CDC42SE2: variants seen among roughly 807,000 people sequenced by gnomAD.
The protein encoded by CDC42SE2 is CDC42 small effector protein 2.
In CDC42SE2, 3 loss-of-function variants were observed where a neutral mutation model predicts 11.5. That is an observed-to-expected ratio of 0.26 (90% CI 0.12 to 0.67). The LOEUF is 0.67. Ranked by LOEUF, CDC42SE2 falls within the 30% of genes least tolerant of loss-of-function variation. The pLI is 0.80. For missense variants in CDC42SE2, 82 were observed against 106.8 expected, an observed-to-expected ratio of 0.77 and a Z score of 1.02; for synonymous variants, 33 against 34.8, an observed-to-expected ratio of 0.95 and a Z score of 0.18.
chr5:131,387,341 G>A (rs1027723114), intron 4 of CDC42SE2, among the ~76,000 whole-genome samples: 1 of 152,110 alleles, frequency 6.6e-6, no homozygotes, highest in Admixed American at 6.5e-5. Context: ...CTGAGCTCAG[G>A]ATTTCAAGAC....
At chr5:131,363,867 T>C (rs577464215) in intron 3 of CDC42SE2, among the ~76,000 whole-genome samples, 1 of 151,788 alleles carries the variant, frequency 6.6e-6, no homozygotes, top group Admixed American at 6.6e-5. Flanking sequence ...GGTTAATTTT[T>C]ATATTTTAGT....
intron 1 of CDC42SE2, among the ~76,000 whole-genome samples, chr5:131,307,747 A>G (rs1757809939): frequency 6.6e-6 from 1 of 152,104 alleles, no homozygotes; most frequent in Admixed American, 6.5e-5. Context: ...TGACTTTTTA[A>G]TGATTACCAT....
chr5:131,261,780 A>G (rs1580717330), upstream of CDC42SE2, among the ~76,000 whole-genome samples: 1 of 151,694 alleles, frequency 6.6e-6, no homozygotes, highest in South Asian at 2.1e-4. Flanking sequence ...AGCCCGGAAG[A>G]CAGAGGTTGC....
intron 2 of CDC42SE2, among the ~76,000 whole-genome samples, chr5:131,350,499 G>A (rs891798996): frequency 2.1e-4 from 32 of 151,880 alleles, no homozygotes; most frequent in Non-Finnish European, 2.5e-4. Flanking sequence ...TCTTAAGTAA[G>A]ATAAAACCAC....
At chr5:131,350,446 A>G (rs1758978209) in intron 2 of CDC42SE2, among the ~76,000 whole-genome samples, 1 of 152,120 alleles carries the variant, frequency 6.6e-6, no homozygotes, top group Non-Finnish European at 1.5e-5. Flanking sequence ...TAACAGAACT[A>G]TAATGGGATG....
At chr5:131,287,297 G>T (rs1048070791) in intron 1 of CDC42SE2, among the ~76,000 whole-genome samples, 8 of 151,910 alleles carry the variant, frequency 5.3e-5, no homozygotes, top group Admixed American at 2.6e-4. Context: ...GCCCGGCCTT[G>T]GGTCAGCTGT....
At position 131,289,428 on chromosome 5, in the gene CDC42SE2, T is replaced by G. The variant is rs190128527; in HGVS notation, c.-455+25262T>G. On this transcript the variant is annotated intron_variant, in intron 1 of 4. Transcript: ENST00000505065. ...TGGCTCACGCCTGTAATCCCAGCAC[T>G]TTGGGAGGCCGAGGCGGGTGAATCA... is the stretch of plus-strand genomic sequence containing the variant. Among the ~76,000 whole-genome samples the G allele has an allele frequency of 3.2e-3, 483 of 152,298 alleles. 4 individuals carry two copies. Among genetic ancestry groups the G allele is most frequent in the African/African-American group, 0.011 (471 of 41,560 alleles).
intron 4 of CDC42SE2, among the ~76,000 whole-genome samples, chr5:131,387,401 A>C (rs1015507425): frequency 4.6e-5 from 7 of 152,100 alleles, no homozygotes; most frequent in Non-Finnish European, 8.8e-5. Flanking sequence ...ATACAAAAAA[A>C]TTAGCTGAGT....
At chr5:131,309,339 TCG>T in intron 1 of CDC42SE2, among the ~76,000 whole-genome samples, 1 of 152,070 alleles carries the variant, frequency 6.6e-6, no homozygotes, top group South Asian at 2.1e-4. Context: ...GCTGCTGGAT[TCG>T]TTTTGCCAGT....
At chr5:131,307,511 A>C (rs1580743924) in intron 1 of CDC42SE2, among the ~76,000 whole-genome samples, 1 of 152,022 alleles carries the variant, frequency 6.6e-6, no homozygotes, top group Non-Finnish European at 1.5e-5. Flanking sequence ...ATTGTGAATA[A>C]TGCCGCAGTA....
In CDC42SE2 at chr5:131,351,812, T is replaced by G. The variant is rs572692694; in HGVS notation, c.-285-7397T>G. Among the ~76,000 whole-genome samples, 13 of 152,202 alleles carry G rather than the reference T, an allele frequency of 8.5e-5. No homozygotes were observed. In the East Asian group the frequency reaches 2.5e-3, roughly 29 times the overall value. ...CCCAAAAAGCACAAATCATAAGAGATAAAACTTATGCATAAGACATTATCA... is the reference window on the plus strand; with the variant it reads ...CCCAAAAAGCACAAATCATAAGAGAGAAAACTTATGCATAAGACATTATCA... On this transcript the variant is annotated intron_variant, in intron 2 of 4. Coordinates refer to ENST00000505065, the MANE Select transcript of CDC42SE2 (RefSeq NM_001375635.1).
chr5:131,241,645 T>C (rs1358589551), upstream of CDC42SE2, among the ~76,000 whole-genome samples: 1 of 152,090 alleles, frequency 6.6e-6, no homozygotes, highest in Non-Finnish European at 1.5e-5. Flanking sequence ...CTACACCCCT[T>C]GATTCACCCC....
intron 1 of CDC42SE2, among the ~76,000 whole-genome samples, chr5:131,278,177 T>A (rs1187509416): frequency 1.3e-5 from 2 of 152,012 alleles, no homozygotes; most frequent in African/African-American, 4.8e-5. Flanking sequence ...AGAGATGGGG[T>A]TTCTCCTTGT....
At chr5:131,327,834 C>G (rs1758328009) in intron 2 of CDC42SE2, among the ~76,000 whole-genome samples, 1 of 152,126 alleles carries the variant, frequency 6.6e-6, no homozygotes, top group South Asian at 2.1e-4. Context: ...ATGTGATATA[C>G]ATACAAACAC....
the CDC42SE2 span, among the ~76,000 whole-genome samples, chr5:131,232,582 A>G: frequency 2.9e-4 from 44 of 151,810 alleles, no homozygotes; most frequent in Admixed American, 1.4e-3. Flanking sequence ...AAAATACCAA[A>G]CATTAGCCAG....
chr5:131,255,251 T>C (rs1425025743), intron 2 of CDC42SE2: 1 of 152,160 alleles, frequency 6.6e-6, no homozygotes, highest in African/African-American at 2.4e-5. Flanking sequence ...AAATTCTGAA[T>C]TTGAAGTCTT....
intron 3 of CDC42SE2, among the ~76,000 whole-genome samples, chr5:131,362,855 G>C (rs1349941796): frequency 6.6e-6 from 1 of 152,060 alleles, no homozygotes; most frequent in Non-Finnish European, 1.5e-5. Flanking sequence ...TTTTTAAAAA[G>C]ATTTGTTAGG....
intron 1 of CDC42SE2, among the ~76,000 whole-genome samples, chr5:131,289,024 A>T (rs1169042443): frequency 6.6e-6 from 1 of 152,012 alleles, no homozygotes; most frequent in Admixed American, 6.6e-5. Flanking sequence ...TATTCTATAC[A>T]TTTTTTTTGT....
At chr5:131,232,302 C>T in the CDC42SE2 span, among the ~76,000 whole-genome samples, 12 of 151,584 alleles carry the variant, frequency 7.9e-5, no homozygotes, top group African/African-American at 2.4e-4. Flanking sequence ...TTTGTGGAGA[C>T]GGGGTTTCTC....
Sources: allele counts gnomAD v4.1 joint callset (sites outside exome capture counted in the v4.1 genomes callset), GRCh38; gene constraint gnomAD v4.1.1; transcripts MANE v1.5; gene names NCBI Gene and HGNC (gene_info 2026-07-23, HGNC 2026-07-21).